The following IGFBP7 variants were observed in gnomAD, a reference collection of about 807,000 sequenced individuals.
IGFBP7 encodes insulin like growth factor binding protein 7.
In IGFBP7, 31 loss-of-function variants were observed where a neutral mutation model predicts 29.4. The ratio of observed to expected loss-of-function variants is 1.05; its 90% CI spans 0.79 to 1.42. The LOEUF is 1.42. Ranked by LOEUF, IGFBP7 falls within the 40% of genes most tolerant of loss-of-function variation. The probability of loss-of-function intolerance (pLI) is 0.00; values close to 1 mark genes in which losing one functional copy is unlikely to be tolerated. For missense variants in IGFBP7, 393 were observed against 395.5 expected, an observed-to-expected ratio of 0.99 and a Z score of 0.05; for synonymous variants, 172 against 174.9, an observed-to-expected ratio of 0.98 and a Z score of 0.13.
At chr4:57,082,819 T>A (rs1397028810) in intron 1 of IGFBP7, among the ~76,000 whole-genome samples, 1 of 152,112 alleles carries the variant, frequency 6.6e-6, no homozygotes, top group African/African-American at 2.4e-5. Flanking sequence ...TTTTTTAAAG[T>A]TTTATTTTAA....
At chr4:57,075,047 C>T (rs908108272) in intron 1 of IGFBP7, among the ~76,000 whole-genome samples, 1 of 152,200 alleles carries the variant, frequency 6.6e-6, no homozygotes, top group African/African-American at 2.4e-5. Flanking sequence ...ATAAGCAATC[C>T]TATTACTCAG....
At chr4:57,061,989 T>G (rs1381298529) in intron 1 of IGFBP7, among the ~76,000 whole-genome samples, 1 of 152,126 alleles carries the variant, frequency 6.6e-6, no homozygotes, top group African/African-American at 2.4e-5. Flanking sequence ...TAGCCATTAC[T>G]TCATTTTGTT....
In IGFBP7 at chr4:57,069,464, T is replaced by C. The variant is rs547432257; in HGVS notation, c.476-28531A>G. On this transcript the variant is annotated intron_variant, in intron 1 of 4. Coordinates refer to ENST00000295666, the MANE Select transcript of IGFBP7 (RefSeq NM_001553.3). Reference sequence around the variant, plus strand: ...AAAATAAAAAATTAGCCAGGTCTGGTGGCTGTCCAGCCTGTCCTTGTGCTG... The same window carrying C: ...AAAATAAAAAATTAGCCAGGTCTGGCGGCTGTCCAGCCTGTCCTTGTGCTG... 2.6e-5 allele frequency among the ~76,000 whole-genome samples: 4 copies of C among 152,292 alleles called. No homozygotes were observed. In the South Asian group the frequency reaches 8.3e-4, roughly 32 times the overall value.
At chr4:57,095,553 G>A (rs1164696826) in intron 1 of IGFBP7, among the ~76,000 whole-genome samples, 1 of 152,190 alleles carries the variant, frequency 6.6e-6, no homozygotes. Context: ...ACCGCCTTGT[G>A]AGGTCGGTAG....
At chr4:57,109,130 T>A (rs753142845) in intron 1 of IGFBP7, among the ~76,000 whole-genome samples, 39 of 152,180 alleles carry the variant, frequency 2.6e-4, no homozygotes, top group Non-Finnish European at 4.4e-4. Flanking sequence ...AAGTGGACTA[T>A]TTTCTTCAAT....
At chr4:57,048,219 C>T (rs1724413725) in intron 1 of IGFBP7, among the ~76,000 whole-genome samples, 2 of 151,948 alleles carry the variant, frequency 1.3e-5, no homozygotes, top group African/African-American at 4.8e-5. Context: ...TCCCGGCTAA[C>T]TTTTTGTATT....
Position 57,098,955 on chromosome 4 carries a change from T to A in IGFBP7, c.475+10922A>T, listed in dbSNP as rs151290093. Among the ~76,000 whole-genome samples, 3 of 152,210 alleles carry A rather than the reference T, an allele frequency of 2.0e-5. No homozygotes were observed. In the South Asian group the frequency reaches 6.2e-4, roughly 31 times the overall value. On this transcript the variant is annotated intron_variant, in intron 1 of 4. Coordinates refer to ENST00000295666, the MANE Select transcript of IGFBP7 (RefSeq NM_001553.3). ...ACCCTAAAAAATTCTTGAAGCCTCA[T>A]TTCTGTGTGGTCTCTTTCAAAACCT... is the stretch of plus-strand genomic sequence containing the variant.
chr4:57,032,709 C>T (rs546763652), intron 3 of IGFBP7, among the ~76,000 whole-genome samples, 157 bp from the exon 4 acceptor site: 42 of 152,194 alleles, frequency 2.8e-4, no homozygotes, highest in African/African-American at 9.1e-4. Context: ...TAGGAGACTT[C>T]GATAACTACC....
Position 57,094,401 on chromosome 4 carries a change from G to A in IGFBP7, c.475+15476C>T, listed in dbSNP as rs576865912. 6.6e-5 allele frequency among the ~76,000 whole-genome samples: 10 copies of A among 152,230 alleles called. No individual in the cohort carries two copies. In the South Asian group the frequency reaches 1.9e-3, roughly 29 times the overall value. On this transcript the variant is annotated intron_variant, in intron 1 of 4. Coordinates refer to ENST00000295666, the MANE Select transcript of IGFBP7 (RefSeq NM_001553.3). ...GGACAGGACAGTGCCTTTGAGGGTG[G>A]CTCCATGTGAAGTAAGGGCCACGTG...
At chr4:57,075,603 C>G (rs991659129) in intron 1 of IGFBP7, among the ~76,000 whole-genome samples, 8 of 151,388 alleles carry the variant, frequency 5.3e-5, no homozygotes, top group African/African-American at 1.9e-4. Flanking sequence ...GCAAGGTAAC[C>G]ATAAAACCAT....
chr4:57,101,092 T>G (rs576803766), intron 1 of IGFBP7, among the ~76,000 whole-genome samples: 11 of 152,374 alleles, frequency 7.2e-5, no homozygotes, highest in African/African-American at 2.2e-4. Flanking sequence ...TGGTGCAGCA[T>G]AGTCCGCATA....
intron 2 of IGFBP7, among the ~76,000 whole-genome samples, chr4:57,038,312 G>A (rs550728777): frequency 3.2e-4 from 49 of 152,364 alleles, no homozygotes; most frequent in African/African-American, 1.1e-3. Context: ...AAAAATGTGA[G>A]TGGAGTTGAT....
intron 1 of IGFBP7, among the ~76,000 whole-genome samples, chr4:57,053,263 C>T (rs67564729): frequency 0.24 from 35,819 of 151,838 alleles, 4,529 homozygotes; most frequent in East Asian, 0.33. Context: ...GTGATCTGCC[C>T]GCTTCGGGCT....
intron 2 of IGFBP7, among the ~76,000 whole-genome samples, chr4:57,036,923 C>T (rs889267531): frequency 6.6e-6 from 1 of 152,132 alleles, no homozygotes; most frequent in African/African-American, 2.4e-5. Flanking sequence ...TGTTTGTATT[C>T]TTAACAGTCT....
chr4:57,109,775 G>C (rs968161613), intron 1 of IGFBP7, 102 bp downstream of exon 1: 3 of 1,333,216 alleles, frequency 2.3e-6, no homozygotes, highest in Non-Finnish European at 3.0e-6. Context: ...CGGGGGAATC[G>C]CAGTGAGCAG....
intron 2 of IGFBP7, among the ~76,000 whole-genome samples, chr4:57,036,227 G>C (rs1009204449): frequency 2.6e-5 from 4 of 152,186 alleles, no homozygotes; most frequent in African/African-American, 9.7e-5. Flanking sequence ...ATATATGTTT[G>C]AATATGCTTG....
At chr4:57,089,689 G>A (rs531003202) in intron 1 of IGFBP7, among the ~76,000 whole-genome samples, 21 of 152,250 alleles carry the variant, frequency 1.4e-4, no homozygotes, top group South Asian at 8.3e-4. Context: ...CAATGTAGCC[G>A]GCTGACTCAG....
intron 1 of IGFBP7, among the ~76,000 whole-genome samples, chr4:57,047,965 C>T (rs1724402381): frequency 6.6e-6 from 1 of 152,184 alleles, no homozygotes; most frequent in Non-Finnish European, 1.5e-5. Flanking sequence ...AACTCCTGAG[C>T]TCAGGCAACC....
At chr4:57,031,917 A>T (rs1723941993) in intron 4 of IGFBP7, 1 of 168,058 alleles carries the variant, frequency 6.0e-6, no homozygotes, top group Non-Finnish European at 1.3e-5. Flanking sequence ...AACTATATAA[A>T]TGTAAAGTAG....
Sources: gnomAD v4.1 joint callset for allele counts (sites outside exome capture counted in the v4.1 genomes callset) on GRCh38, gnomAD v4.1.1 for gene constraint, MANE v1.5 for transcripts, NCBI Gene and HGNC (gene_info 2026-07-23, HGNC 2026-07-21) for gene names.